Variants in STAB2 observed in about 807,000 individuals in gnomAD.
STAB2 encodes the protein stabilin 2.
A neutral mutation model predicts 338.1 loss-of-function variants in STAB2; 288 were observed. The observed-to-expected ratio is 0.85, with a 90% CI of 0.77 to 0.94. STAB2 has a LOEUF of 0.94. Among genes scored for constraint, STAB2 ranks in the 40% least tolerant of loss-of-function variants. STAB2 has a pLI of 0.00. For synonymous variants in STAB2, 1,202 were observed against 1,193.3 expected, an observed-to-expected ratio of 1.01 and a Z score of -0.15; for missense variants, 3,141 against 3,210.1, an observed-to-expected ratio of 0.98 and a Z score of 0.52.
At chr12:103,728,484 T>C (rs1382777602) in intron 47 of STAB2, among the ~76,000 whole-genome samples, 1 of 152,256 alleles carries the variant, frequency 6.6e-6, no homozygotes, top group Non-Finnish European at 1.5e-5. Flanking sequence ...CTGGCACTGA[T>C]ACCTCTCCAA....
intron 34 of STAB2, among the ~76,000 whole-genome samples, chr12:103,699,944 T>G (rs1317592230): frequency 1.3e-5 from 2 of 152,170 alleles, no homozygotes; most frequent in Non-Finnish European, 2.9e-5. Flanking sequence ...ATCAACCTAA[T>G]TCCCAGGAAG....
rs79422467 is a variant in STAB2, at chr12:103,608,904, C to T, written c.332-11564C>T. The stretch of plus-strand genomic sequence containing the variant: ...AGATCCAGTTTCAGCTTTCTACATA[C>T]GGCTAGCCAGTTTTCCCAGCACCAT... On this transcript the variant is annotated intron_variant, in intron 3 of 68. Coordinates refer to ENST00000388887, the MANE Select transcript of STAB2 (RefSeq NM_017564.10). Among the ~76,000 whole-genome samples, 1,552 of 152,272 alleles carry T rather than the reference C, an allele frequency of 0.01. 73 individuals are homozygous for T. In the East Asian group the frequency reaches 0.15, roughly 15 times the overall value.
Position 103,668,727 on chromosome 12 carries a change from A to G in STAB2, c.2170A>G (p.Lys724Glu), listed in dbSNP as rs1484378524. Residue 724 changes from lysine to glutamate, a missense_variant and splice_region_variant, in exon 20 of 69, where the codon AAG (lysine) becomes GAG (glutamate). Transcript: ENST00000388887. Reference protein sequence around the residue: ...GCARYCNATVKIPKCCKGFYG... With the variant: ...GCARYCNATVEIPKCCKGFYG... ...TGCCCGGTACTGCAATGCCACTGTGAAGGTGAGGAGCGCGTGGCCGAGGCC... is the reference window on the plus strand; with the variant it reads ...TGCCCGGTACTGCAATGCCACTGTGGAGGTGAGGAGCGCGTGGCCGAGGCC... 6.5e-7 allele frequency: 1 copy of G among 1,544,836 alleles called. No homozygotes were observed. Among genetic ancestry groups the G allele is most frequent in the Non-Finnish European group, 8.8e-7 (1 of 1,142,416 alleles).
intron 5 of STAB2, among the ~76,000 whole-genome samples, chr12:103,623,802 C>T (rs1957339946): frequency 6.6e-6 from 1 of 152,174 alleles, no homozygotes; most frequent in Non-Finnish European, 1.5e-5. Context: ...GAGTTTTTCA[C>T]TCCCTGCCAC....
intron 58 of STAB2, among the ~76,000 whole-genome samples, chr12:103,748,605 T>TACACACACAC (rs71097994): frequency 2.8e-5 from 4 of 141,706 alleles, no homozygotes; most frequent in Non-Finnish European, 3.1e-5. Flanking sequence ...CACACACACA[T>TACACACACAC]ACACACACAC....
At chr12:103,763,208 G>GC (rs1884671404) in intron 67 of STAB2, 2 of 334,712 alleles carry the variant, frequency 6.0e-6, no homozygotes, top group Admixed American at 8.7e-5. Context: ...ACCCTGGGTG[G>GC]CAGGCACCAG....
chr12:103,668,492 G>A (rs1049377271), intron 19 of STAB2, 151 bp from the exon 20 acceptor site: 2 of 672,628 alleles, frequency 3.0e-6, no homozygotes, highest in African/African-American at 3.6e-5. Context: ...AAGCTCTGAT[G>A]TAGACCCAGG....
At chr12:103,636,405 A>G (rs1156360171) in intron 6 of STAB2, among the ~76,000 whole-genome samples, 1 of 151,362 alleles carries the variant, frequency 6.6e-6, no homozygotes, top group Non-Finnish European at 1.5e-5. Context: ...CCCTGTTCAA[A>G]TAATTATGTG....
chr12:103,703,955 G>C (rs1284014681), intron 35 of STAB2, among the ~76,000 whole-genome samples: 2 of 152,146 alleles, frequency 1.3e-5, no homozygotes, highest in Non-Finnish European at 2.9e-5. Context: ...ACTAATACAT[G>C]CAGGTTCATA....
chr12:103,742,555 G>GT lies in STAB2; in HGVS notation c.6031+2dup. On this transcript the variant is annotated splice_donor_variant, in intron 56 of 68. Transcript: ENST00000388887. LOFTEE classifies it high-confidence loss of function. ...GGGAGATTCGGGCCTGATTGTCTGC[G>GT]TATGTGGCGCCGCTTCTCCGTGCTA... The GT allele has an allele frequency of 1.9e-6, 3 of 1,614,140 alleles. No individual in the cohort carries two copies. The highest frequency in any genetic ancestry group is 2.5e-6 in the Non-Finnish European group (3 of 1,180,024).
At chr12:103,614,591 G>C (rs1336229155) in intron 3 of STAB2, among the ~76,000 whole-genome samples, 1 of 152,144 alleles carries the variant, frequency 6.6e-6, no homozygotes, top group Non-Finnish European at 1.5e-5. Context: ...AACTTCTGTT[G>C]TTTCTAGGCA....
chr12:103,668,726 G>A lies in STAB2; in HGVS notation c.2169G>A (p.Val723=). 2 of 1,544,936 alleles carry A rather than the reference G, an allele frequency of 1.3e-6. No individual in the cohort carries two copies. The highest frequency in any genetic ancestry group is 1.8e-6 in the Non-Finnish European group (2 of 1,142,418). The part of the protein sequence containing the change: ...SGCARYCNAT[V]KIPKCCKGFY... ...GTGCCCGGTACTGCAATGCCACTGT[G>A]AAGGTGAGGAGCGCGTGGCCGAGGC... Residue 723 remains valine (V), a synonymous_variant, in exon 20 of 69, where the codon GTG becomes GTA. Coordinates refer to ENST00000388887, the MANE Select transcript of STAB2 (RefSeq NM_017564.10).
intron 29 of STAB2, 47 bp from the exon 30 acceptor site, chr12:103,690,377 C>A: frequency 6.8e-7 from 1 of 1,464,472 alleles, no homozygotes; most frequent in Non-Finnish European, 9.5e-7. Context: ...ATGATACAGC[C>A]CCATACATTT....
At chr12:103,671,877 C>T (rs967564715) in intron 22 of STAB2, among the ~76,000 whole-genome samples, 4 of 152,174 alleles carry the variant, frequency 2.6e-5, no homozygotes, top group African/African-American at 7.2e-5. Flanking sequence ...TTTAAATAAG[C>T]ATATGTATAT....
At chr12:103,723,661 G>C (rs904503902) in intron 44 of STAB2, among the ~76,000 whole-genome samples, 1 of 152,194 alleles carries the variant, frequency 6.6e-6, no homozygotes, top group South Asian at 2.1e-4. Flanking sequence ...CCGCCAGCCC[G>C]GCAGACCCAG....
At chr12:103,726,192 T>A (rs1273706944) in intron 46 of STAB2, 29 bp downstream of exon 46, 2 of 1,613,092 alleles carry the variant, frequency 1.2e-6, no homozygotes. Context: ...TGTCTAGCCA[T>A]AAGAGTTCAG....
intron 68 of STAB2, chr12:103,765,951 G>A (rs1249000601): frequency 5.0e-6 from 2 of 402,458 alleles, no homozygotes; most frequent in African/African-American, 4.1e-5. Flanking sequence ...CCTTTTGTGA[G>A]GTGCTTATAC....
At chr12:103,721,253 G>A (rs1015497840) in intron 44 of STAB2, among the ~76,000 whole-genome samples, 6 of 152,196 alleles carry the variant, frequency 3.9e-5, no homozygotes, top group African/African-American at 7.2e-5. Flanking sequence ...CCTCTCTGCC[G>A]AGGTGACTCA....
Position 103,666,190 on chromosome 12 carries a change from G to A in STAB2, c.2023-101G>A. On this transcript the variant is annotated intron_variant, in intron 18 of 68. Coordinates refer to ENST00000388887, the MANE Select transcript of STAB2 (RefSeq NM_017564.10). ...GAGGCCAGGATCATGGCTCAGTGGG[G>A]TTTCCTTCACAGGGAGGGAAGCATG... 8.5e-6 allele frequency: 10 copies of A among 1,179,128 alleles called. No homozygotes were observed. In the South Asian group the frequency reaches 1.3e-4, roughly 15 times the overall value. The allele number at this position is 1,179,128 out of a possible 1,614,324, so 73.0% of individuals were successfully genotyped here.
Sources: gnomAD v4.1 joint callset for allele counts (sites outside exome capture counted in the v4.1 genomes callset) on GRCh38, gnomAD v4.1.1 for gene constraint, MANE v1.5 for transcripts, NCBI Gene and HGNC (gene_info 2026-07-23, HGNC 2026-07-21) for gene names.